Variants in SIPA1L3 observed in about 807,000 individuals in gnomAD.
The protein encoded by SIPA1L3 is signal induced proliferation associated 1 like 3.
A neutral mutation model predicts 150.1 loss-of-function variants in SIPA1L3; 59 were observed. The observed-to-expected ratio is 0.39, with a 90% confidence interval of 0.32 to 0.49. SIPA1L3 has a LOEUF of 0.49. Among genes scored for constraint, SIPA1L3 ranks in the 20% least tolerant of loss-of-function variants. SIPA1L3 has a pLI of 0.86. For missense variants in SIPA1L3, 2,211 were observed against 2,489.5 expected, an observed-to-expected ratio of 0.89 and a Z score of 2.38; for synonymous variants, 1,070 against 1,077.6, an observed-to-expected ratio of 0.99 and a Z score of 0.14.
rs1369279062 is a variant in SIPA1L3 at position 38,081,820 on chromosome 19, C to G, written c.255C>G (p.Asp85Glu). Residue 85 changes from aspartate to glutamate, a missense_variant, in exon 3 of 22, where the codon GAC (aspartate) becomes GAG (glutamate). This residue lies in a region of SIPA1L3 where 130 missense variants were observed against 174.5 expected (regional missense o/e 0.74). Coordinates refer to ENST00000222345, the MANE Select transcript of SIPA1L3 (RefSeq NM_015073.3). The part of the protein sequence containing the change: ...PKMGVRARVA[D>E]WPPKREALRE... The stretch of plus-strand genomic sequence containing the variant: ...TGGGCGTGCGCGCAAGGGTGGCCGA[C>G]TGGCCGCCCAAGCGGGAGGCCCTGA... 6.2e-7 allele frequency: 1 copy of G among 1,613,696 alleles called. No individual in the cohort carries two copies. Among genetic ancestry groups the G allele is most frequent in the Non-Finnish European group, 8.5e-7 (1 of 1,179,840 alleles).
intron 1 of SIPA1L3, chr19:37,907,731 C>T (rs2046346556): frequency 6.6e-6 from 1 of 152,182 alleles, no homozygotes; most frequent in African/African-American, 2.4e-5. Flanking sequence ...ACATTTGGCA[C>T]ATAGGAGGCA....
chr19:38,002,034 G>T (rs1967818023), intron 1 of SIPA1L3, among the ~76,000 whole-genome samples: 1 of 152,100 alleles, frequency 6.6e-6, no homozygotes. Context: ...ATTTTATTAT[G>T]CCCAGTTACA....
intron 15 of SIPA1L3, among the ~76,000 whole-genome samples, chr19:38,181,096 G>T (rs1001436598): frequency 1.3e-5 from 2 of 152,206 alleles, no homozygotes; most frequent in African/African-American, 4.8e-5. Flanking sequence ...GAGCTGGGAA[G>T]AGGTGGGGGG....
chr19:38,178,903 C>G (rs1448854691), intron 15 of SIPA1L3, among the ~76,000 whole-genome samples: 1 of 152,196 alleles, frequency 6.6e-6, no homozygotes, highest in Non-Finnish European at 1.5e-5. Context: ...CATCTCCTCA[C>G]CAATGCCTAC....
chr19:38,193,595 G>A lies in SIPA1L3; in HGVS notation c.4655G>A (p.Arg1552His), dbSNP rs368732760. 49 of 1,560,368 alleles carry A rather than the reference G, an allele frequency of 3.1e-5. No individual in the cohort carries two copies. Among genetic ancestry groups the A allele is most frequent in the South Asian group, 2.1e-4 (18 of 84,950 alleles). Reference sequence around the variant, plus strand: ...TCGGACGAGAGCCTGTGCAGCGGGCGCCGGGAGCCCAGCTTCGCCAGCCCC... The same window carrying A: ...TCGGACGAGAGCCTGTGCAGCGGGCACCGGGAGCCCAGCTTCGCCAGCCCC... ...TLSDESLCSG[R>H]REPSFASPAG... The change falls in exon 18 of 22, where the codon CGC becomes CAC. Residue 1552 changes from arginine (R) to histidine (H), a missense_variant. Arg to His is a conservative substitution (Grantham distance 29). Coordinates refer to ENST00000222345, the MANE Select transcript of SIPA1L3 (RefSeq NM_015073.3).
At position 38,193,715 on chromosome 19, in the gene SIPA1L3, AC is replaced by A; in HGVS notation, c.4780del (p.His1594ThrfsTer45). 1.3e-6 allele frequency: 2 copies of A among 1,567,724 alleles called. No homozygotes were observed. Among genetic ancestry groups the A allele is most frequent in the Non-Finnish European group, 8.6e-7 (1 of 1,165,394 alleles). On this transcript the variant is annotated frameshift_variant, in exon 18 of 22. Transcript: ENST00000222345. LOFTEE classifies it high-confidence loss of function. Reference sequence around the variant, plus strand: ...CTGCCTGCACGCCGCCAGCACCAGCACCCCCACCCGCCCGTCGGCCCCGGTG... The same window carrying A: ...CTGCCTGCACGCCGCCAGCACCAGCACCCCACCCGCCCGTCGGCCCCGGTG... ...STLPARRQHQHPHPPVGPGAT... is the reference protein window; with the variant it reads ...STLPARRQHQXPHPPVGPGAT...
chr19:37,958,687 C>T (rs568396663), intron 1 of SIPA1L3, among the ~76,000 whole-genome samples: 1 of 152,234 alleles, frequency 6.6e-6, no homozygotes, highest in Non-Finnish European at 1.5e-5. Flanking sequence ...AAAATAGACA[C>T]ATTGGACTTC....
Position 38,152,618 on chromosome 19 carries a change from C to T in SIPA1L3, c.3534-222C>T, listed in dbSNP as rs1222874637. On this transcript the variant is annotated intron_variant, in intron 12 of 21. Transcript: ENST00000222345. The stretch of plus-strand genomic sequence containing the variant: ...ACCCGCCTTGCCCCGCCGCCACCAG[C>T]TCCCTGGCAGGCTTCCCAGGCGAGA... Among the ~76,000 whole-genome samples, 3 of 151,510 alleles carry T rather than the reference C, an allele frequency of 2.0e-5. No homozygotes were observed. In the East Asian group the frequency reaches 5.8e-4, roughly 29 times the overall value.
At chr19:38,191,776 A>C (rs1972808917) in intron 16 of SIPA1L3, among the ~76,000 whole-genome samples, 1 of 151,930 alleles carries the variant, frequency 6.6e-6, no homozygotes, top group East Asian at 1.9e-4. Flanking sequence ...ACACCACTGC[A>C]CTCCAGCCTG....
intron 1 of SIPA1L3, among the ~76,000 whole-genome samples, chr19:37,919,646 G>T (rs917167954): frequency 6.6e-6 from 1 of 150,826 alleles, no homozygotes; most frequent in Non-Finnish European, 1.5e-5. Context: ...TCCACACGTG[G>T]TCTCCCCCTG....
intron 15 of SIPA1L3, among the ~76,000 whole-genome samples, chr19:38,166,004 C>T (rs1199248715): frequency 6.6e-6 from 1 of 151,922 alleles, no homozygotes; most frequent in Non-Finnish European, 1.5e-5. Flanking sequence ...CTAAAGGGAT[C>T]CTCCCACCTC....
At chr19:38,138,813 G>C (rs1301025580) in intron 10 of SIPA1L3, among the ~76,000 whole-genome samples, 1 of 150,472 alleles carries the variant, frequency 6.6e-6, no homozygotes, top group Non-Finnish European at 1.5e-5. Context: ...CAGGAGAATC[G>C]CTTGAACCTG....
At chr19:38,103,901 C>CA (rs66888884) in intron 6 of SIPA1L3, among the ~76,000 whole-genome samples, 8,386 of 96,058 alleles carry the variant, frequency 0.087, 1,125 homozygotes, top group African/African-American at 0.3. Flanking sequence ...GACTCCATAT[C>CA]AAAAAAAAAA....
rs139837907 is a variant in SIPA1L3, at chr19:38,164,626, G to A, written c.3928G>A (p.Gly1310Ser). 2.9e-4 allele frequency: 463 copies of A among 1,614,026 alleles called. No homozygotes were observed. Among genetic ancestry groups the A allele is most frequent in the Admixed American group, 6.0e-4 (36 of 60,002 alleles). The part of the protein sequence containing the change: ...PLSKGGSSDS[G>S]IDTTLYTSSP... Reference sequence around the variant, plus strand: ...CTCCAAGGGTGGCTCTAGTGACAGCGGCATCGACACCACCCTCTACACCTC... The same window carrying A: ...CTCCAAGGGTGGCTCTAGTGACAGCAGCATCGACACCACCCTCTACACCTC... Residue 1310 changes from glycine to serine, a missense_variant, in exon 15 of 22, where the codon GGC (glycine) becomes AGC (serine). This residue lies in a region of SIPA1L3 where 806 missense variants were observed against 870.1 expected (regional missense o/e 0.93). Transcript: ENST00000222345. The surrounding 1 kb of genome is among the most constrained non-coding windows in gnomAD (Gnocchi z 4.1).
intron 10 of SIPA1L3, among the ~76,000 whole-genome samples, chr19:38,137,702 C>T (rs1486040611): frequency 6.6e-6 from 1 of 152,062 alleles, no homozygotes; most frequent in East Asian, 1.9e-4. Flanking sequence ...GTTGCCCAGG[C>T]TGGCCTTGAA....
chr19:38,021,608 C>G (rs1482036859), intron 1 of SIPA1L3, among the ~76,000 whole-genome samples: 1 of 151,268 alleles, frequency 6.6e-6, no homozygotes, highest in Admixed American at 6.6e-5. Flanking sequence ...GTGATGCAGT[C>G]ATGGCTCACT....
At chr19:38,077,723 T>G (rs1600017755) in intron 2 of SIPA1L3, among the ~76,000 whole-genome samples, 1 of 128,760 alleles carries the variant, frequency 7.8e-6, no homozygotes, top group Non-Finnish European at 1.6e-5. Flanking sequence ...TAGGCTGGAG[T>G]GCAGTGGAGC....
intron 1 of SIPA1L3, among the ~76,000 whole-genome samples, chr19:37,915,485 G>A (rs189705081): frequency 4.9e-4 from 75 of 152,102 alleles, no homozygotes; most frequent in Middle Eastern, 3.4e-3. Flanking sequence ...GGGTTCAAGC[G>A]ATTCTCCTGC....
At chr19:38,131,487 G>A (rs1308140046) in intron 10 of SIPA1L3, among the ~76,000 whole-genome samples, 1 of 152,200 alleles carries the variant, frequency 6.6e-6, no homozygotes, top group Non-Finnish European at 1.5e-5. Flanking sequence ...GCGAGCAGGA[G>A]TGAGAGCTGA....
Sources: allele counts gnomAD v4.1 joint callset (sites outside exome capture counted in the v4.1 genomes callset), GRCh38; gene constraint gnomAD v4.1.1; regional missense constraint gnomAD v4.1.1; non-coding constraint Gnocchi (gnomAD v3.1); transcripts MANE v1.5; gene names NCBI Gene and HGNC (gene_info 2026-07-23, HGNC 2026-07-21).